Variants in CYP2R1 observed in about 807,000 individuals in gnomAD.
The protein encoded by CYP2R1 is vitamin D 25-hydroxylase.
In CYP2R1, 40 loss-of-function variants were observed where a neutral mutation model predicts 45.7. The ratio of observed to expected loss-of-function variants is 0.87; its 90% CI spans 0.68 to 1.14. The LOEUF is 1.14. Among genes scored for constraint, CYP2R1 ranks in the 50% most tolerant of loss-of-function variants. The pLI, the probability that CYP2R1 is intolerant of heterozygous loss-of-function variation, is 0.00. For missense variants in CYP2R1, 605 were observed against 602.6 expected, an observed-to-expected ratio of 1.00 and a Z score of -0.04; for synonymous variants, 234 against 219.3, an observed-to-expected ratio of 1.07 and a Z score of -0.59.
chr11:14,877,860 C>A lies in CYP2R1; in HGVS notation c.*262G>T. The A allele has an allele frequency of 2.3e-6, 1 of 436,104 alleles. No individual in the cohort carries two copies. The highest frequency in any genetic ancestry group is 4.1e-6 in the Non-Finnish European group (1 of 245,396). 27.0% of individuals were successfully genotyped at this position (436,104 alleles called of 1,614,324 possible). A position where few individuals can be genotyped will look rare whatever the true frequency, so the allele number is the denominator to read the frequency against. ...ATGCTCAGCTTAGGGCGTCCATGAC[C>A]CTTCTTAGCATTTTAAGCAACACCC... On this transcript the variant is annotated 3_prime_UTR_variant, in exon 5 of 5. Coordinates refer to ENST00000334636, the MANE Select transcript of CYP2R1 (RefSeq NM_024514.5).
At chr11:14,886,608 A>G (rs993786644) in intron 1 of CYP2R1, 1 of 152,516 alleles carries the variant, frequency 6.6e-6, no homozygotes, top group Non-Finnish European at 1.5e-5. Context: ...GCCTCACCCC[A>G]GGTTCACTTA....
At position 14,885,894 on chromosome 11, in the gene CYP2R1, G is replaced by A; in HGVS notation, c.249C>T (p.Gly83=). Residue 83 remains glycine, a synonymous_variant, in exon 2 of 5, where the codon GGC becomes GGT. Transcript: ENST00000334636. ...AGCCATTTAGAACCACAGTTGATAT[G>A]CCTCCAAGATCTAAACTGAAGATCT... ...YGEIFSLDLG[G]ISTVVLNGYD... The A allele has an allele frequency of 6.2e-7, 1 of 1,613,452 alleles. No homozygotes were observed. Among genetic ancestry groups the A allele is most frequent in the Non-Finnish European group, 8.5e-7 (1 of 1,179,594 alleles).
intron 1 of CYP2R1, among the ~76,000 whole-genome samples, chr11:14,889,404 G>A (rs1555015852): frequency 6.6e-6 from 1 of 152,132 alleles, no homozygotes; most frequent in African/African-American, 2.4e-5. Flanking sequence ...TTTCATACCA[G>A]GATAAAGATC....
At chr11:14,881,225 T>C (rs868982694) in intron 2 of CYP2R1, among the ~76,000 whole-genome samples, 1 of 152,084 alleles carries the variant, frequency 6.6e-6, no homozygotes, top group Non-Finnish European at 1.5e-5. Context: ...TTTCCTCCCA[T>C]TAAAGGGATA....
At chr11:14,881,157 T>A (rs782269110) in intron 2 of CYP2R1, among the ~76,000 whole-genome samples, 13 of 152,076 alleles carry the variant, frequency 8.5e-5, no homozygotes, top group Middle Eastern at 3.4e-3. Flanking sequence ...ACCTAAAAAA[T>A]CATCCTTCTA....
chr11:14,885,139 C>A (rs1555013976), intron 2 of CYP2R1, among the ~76,000 whole-genome samples: 1 of 152,124 alleles, frequency 6.6e-6, no homozygotes, highest in African/African-American at 2.4e-5. Context: ...GAATTTAGGA[C>A]ACAACTTTAG....
Position 14,880,762 on chromosome 11 carries a change from A to G in CYP2R1, c.374T>C (p.Leu125Pro), listed in dbSNP as rs781809210. ...CCATCCTCGGCCATATCTGGAATTGAGTAAGCCTGAAAAAAAATATTAAAA... is the reference window on the plus strand; with the variant it reads ...CCATCCTCGGCCATATCTGGAATTGGGTAAGCCTGAAAAAAAATATTAAAA... ...FMKMTKMGGL[L>P]NSRYGRGWVD... Residue 125 changes from leucine to proline, a missense_variant, in exon 3 of 5, where the codon CTC becomes CCC. Coordinates refer to ENST00000334636, the MANE Select transcript of CYP2R1 (RefSeq NM_024514.5). 2.5e-6 allele frequency: 4 copies of G among 1,606,636 alleles called. No homozygotes were observed. In the Admixed American group the frequency reaches 6.9e-5, roughly 28 times the overall value.
At chr11:14,891,894 G>A in intron 1 of CYP2R1, 87 bp downstream of exon 1, 3 of 1,504,196 alleles carry the variant, frequency 2.0e-6, no homozygotes. Context: ...GTCGGCCCAG[G>A]GGCGGCCATA....
chr11:14,886,052 A>G, intron 1 of CYP2R1, 135 bp from the exon 2 acceptor site: 3 of 828,886 alleles, frequency 3.6e-6, no homozygotes, highest in East Asian at 5.3e-5. Flanking sequence ...TTATTACTCA[A>G]CTGACAATGT....
At chr11:14,878,323 AT>A (rs1429389574) in intron 4 of CYP2R1, 26 bp from the exon 5 acceptor site, 1 of 1,610,160 alleles carries the variant, frequency 6.2e-7, no homozygotes, top group Non-Finnish European at 8.5e-7. Context: ...AGATACAATA[AT>A]TTTTTAAACC....
chr11:14,881,460 A>ACGGG (rs1555012296), intron 2 of CYP2R1, among the ~76,000 whole-genome samples: 1 of 152,064 alleles, frequency 6.6e-6, no homozygotes, highest in Non-Finnish European at 1.5e-5. Flanking sequence ...TTCAGTGCAC[A>ACGGG]TATTTATGTA....
chr11:14,882,871 C>G (rs576121589), intron 2 of CYP2R1, among the ~76,000 whole-genome samples: 1 of 152,288 alleles, frequency 6.6e-6, no homozygotes, highest in African/African-American at 2.4e-5. Context: ...AAATCACAAG[C>G]ATTCTTATAC....
rs2134022848 is a variant in CYP2R1, at chr11:14,880,556, T to A, written c.580A>T (p.Ile194Phe). 6.2e-7 allele frequency: 1 copy of A among 1,613,466 alleles called. No individual in the cohort carries two copies. The highest frequency in any genetic ancestry group is 8.5e-7 in the Non-Finnish European group (1 of 1,179,650). The part of the protein sequence containing the change: ...TNAVSNITNL[I>F]IFGERFTYED... ...TAAGTGAATCGTTCTCCAAAAATGA[T>A]CAGATTGGTTATGTTTGAAACAGCA... is the stretch of plus-strand genomic sequence containing the variant. Residue 194 changes from isoleucine to phenylalanine, a missense_variant, in exon 3 of 5, where the codon ATC becomes TTC. Ile to Phe is a conservative substitution (Grantham distance 21). Transcript: ENST00000334636.
rs1848884278 is a variant in CYP2R1, at chr11:14,892,126, AC to A, written c.79del (p.Val27SerfsTer5). On this transcript the variant is annotated frameshift_variant, in exon 1 of 5. Coordinates refer to ENST00000334636, the MANE Select transcript of CYP2R1 (RefSeq NM_024514.5). LOFTEE classifies it high-confidence loss of function. The stretch of plus-strand genomic sequence containing the variant: ...CCGCCTCTGCTTCAGCAGCTGGCGG[AC>A]CCCTAGCGCGAAGAGCAGCAGGAAG... The part of the protein sequence containing the change: ...ALFLLLFALG[V>X]RQLLKQRRPM... The A allele has an allele frequency of 6.2e-7, 1 of 1,611,264 alleles. No homozygotes were observed. Among genetic ancestry groups the A allele is most frequent in the South Asian group, 1.1e-5 (1 of 91,028 alleles).
At chr11:14,889,535 G>C (rs1011505935) in intron 1 of CYP2R1, among the ~76,000 whole-genome samples, 2 of 152,058 alleles carry the variant, frequency 1.3e-5, no homozygotes, top group African/African-American at 4.8e-5. Context: ...GCTCCTTTCA[G>C]TTTTTCCTCT....
In CYP2R1 at chr11:14,885,801, TA is replaced by T. The variant is rs868978371; in HGVS notation, c.341del (p.Leu114TyrfsTer3). 6.2e-7 allele frequency: 1 copy of T among 1,613,140 alleles called. No individual in the cohort carries two copies. The highest frequency in any genetic ancestry group is 1.3e-5 in the African/African-American group (1 of 75,038). On this transcript the variant is annotated frameshift_variant, in exon 2 of 5. Transcript: ENST00000334636. LOFTEE classifies it high-confidence loss of function. ...CTCCCATTTTTGTCATCTTCATGAA[TA>T]AAGGAAGGCATGGTCTGTCTGCAAA... ...EIFADRPCLPLFMKMTKMGGL... is the reference protein window; with the variant it reads ...EIFADRPCLPXFMKMTKMGGL...
intron 2 of CYP2R1, among the ~76,000 whole-genome samples, chr11:14,882,083 T>C (rs1212135559): frequency 1.3e-5 from 2 of 152,102 alleles, no homozygotes; most frequent in African/African-American, 4.8e-5. Context: ...ATTCCCATAG[T>C]CCATTCTTTT....
At chr11:14,887,870 G>C (rs1848679227) in intron 1 of CYP2R1, 1 of 152,676 alleles carries the variant, frequency 6.5e-6, no homozygotes, top group Non-Finnish European at 1.5e-5. Flanking sequence ...ATTATAACCT[G>C]CAGGTGACCG....
At chr11:14,883,180 CTACTT>C (rs1555012989) in intron 2 of CYP2R1, among the ~76,000 whole-genome samples, 3 of 151,856 alleles carry the variant, frequency 2.0e-5, no homozygotes, top group African/African-American at 7.2e-5. Context: ...TTGGAAAAAA[CTACTT>C]TAAAGTTCAT....
Sources: allele counts gnomAD v4.1 joint callset (sites outside exome capture counted in the v4.1 genomes callset), GRCh38; gene constraint gnomAD v4.1.1; transcripts MANE v1.5; gene names NCBI Gene and HGNC (gene_info 2026-07-23, HGNC 2026-07-21).